Variants in TBCE observed in about 807,000 individuals in gnomAD.
TBCE encodes tubulin-specific chaperone E.
Under a neutral mutation model 77.0 loss-of-function variants are expected in TBCE, and 53 were observed. The observed-to-expected ratio is 0.69, with a 90% CI of 0.55 to 0.87. The LOEUF is 0.87. Ranked by LOEUF, TBCE falls within the 40% of genes least tolerant of loss-of-function variation. The pLI, the probability that TBCE is intolerant of heterozygous loss-of-function variation, is 0.00. For synonymous variants in TBCE, 235 were observed against 241.3 expected, an observed-to-expected ratio of 0.97 and a Z score of 0.24; for missense variants, 624 against 622.4, an observed-to-expected ratio of 1.00 and a Z score of -0.03.
chr1:235,377,585 A>G (rs1677373481), intron 1 of TBCE, among the ~76,000 whole-genome samples: 1 of 152,098 alleles, frequency 6.6e-6, no homozygotes, highest in Non-Finnish European at 1.5e-5. Context: ...TGCTTAGATT[A>G]TTCTGTAATA....
At chr1:235,448,014 G>T (rs142839029) in intron 15 of TBCE, among the ~76,000 whole-genome samples, 3,133 of 152,102 alleles carry the variant, frequency 0.021, 36 homozygotes, top group Middle Eastern at 0.031. Flanking sequence ...TTCAAGACCA[G>T]CCTGGCCAAC....
rs372236046 is a variant in TBCE, at chr1:235,435,848, G to T, written c.833+8G>T. 9.1e-5 allele frequency: 147 copies of T among 1,608,924 alleles called. No homozygotes were observed. In the African/African-American group the frequency reaches 1.7e-3, roughly 19 times the overall value. On this transcript the variant is annotated splice_region_variant and intron_variant, in intron 9 of 16. Coordinates refer to ENST00000642610, the MANE Select transcript of TBCE (RefSeq NM_003193.5). ...GATAGCCCACCTGCCCAGGTAATTT[G>T]CCCCTAAATGCCTGATACAATAGTG...
chr1:235,390,522 C>T (rs766222776), intron 2 of TBCE, among the ~76,000 whole-genome samples: 4 of 151,938 alleles, frequency 2.6e-5, no homozygotes, highest in African/African-American at 4.8e-5. Context: ...GAGGCCAAGT[C>T]GGATGGATCA....
In TBCE at chr1:235,434,574, T is replaced by C. The variant is rs1488578030; in HGVS notation, c.737+294T>C. On this transcript the variant is annotated intron_variant, in intron 8 of 16. Transcript: ENST00000642610. ...CTTTTTTTGAGACAGAGTCTCACTCTGTCGCCCAGGCTGGAGTGCAGTGGC... is the reference window on the plus strand; with the variant it reads ...CTTTTTTTGAGACAGAGTCTCACTCCGTCGCCCAGGCTGGAGTGCAGTGGC... Among the ~76,000 whole-genome samples, 4 of 151,704 alleles carry C rather than the reference T, an allele frequency of 2.6e-5. No individual in the cohort carries two copies. The East Asian group carries it at 5.8e-4, about 22-fold the overall frequency.
intron 13 of TBCE, chr1:235,441,533 G>A (rs1487098046): frequency 4.3e-6 from 2 of 465,916 alleles, no homozygotes; most frequent in South Asian, 4.6e-5. Context: ...ATGTAAACAT[G>A]TTGCTTTTCA....
At chr1:235,378,694 A>C (rs1454302151) in intron 1 of TBCE, among the ~76,000 whole-genome samples, 2 of 152,040 alleles carry the variant, frequency 1.3e-5, no homozygotes, top group Non-Finnish European at 2.9e-5. Context: ...TAAAAATTCA[A>C]AAATTAGCTG....
intron 1 of TBCE, among the ~76,000 whole-genome samples, chr1:235,374,147 G>A (rs1432337944): frequency 6.9e-6 from 1 of 143,946 alleles, no homozygotes; most frequent in Non-Finnish European, 1.5e-5. Flanking sequence ...AGTAGAGACA[G>A]GTTTCACCAT....
At chr1:235,416,269 T>C (rs1354106659) in intron 4 of TBCE, 1 of 151,962 alleles carries the variant, frequency 6.6e-6, no homozygotes, top group African/African-American at 2.4e-5. Context: ...ACATGCTTCA[T>C]AGGGTTAGAG....
intron 3 of TBCE, among the ~76,000 whole-genome samples, chr1:235,412,911 C>T (rs370974710): frequency 4.8e-4 from 73 of 152,224 alleles, no homozygotes; most frequent in South Asian, 2.1e-3. Context: ...TCAAGTGATT[C>T]TCCTGCCTCA....
intron 1 of TBCE, among the ~76,000 whole-genome samples, chr1:235,377,383 G>A (rs968627484): frequency 6.6e-6 from 1 of 152,158 alleles, no homozygotes; most frequent in East Asian, 1.9e-4. Flanking sequence ...GTTTTACCCT[G>A]TTGGCTGGGA....
intron 15 of TBCE, among the ~76,000 whole-genome samples, chr1:235,443,282 G>A (rs1024258403): frequency 6.6e-6 from 1 of 152,000 alleles, no homozygotes; most frequent in Admixed American, 6.6e-5. Flanking sequence ...GCTCACGGCA[G>A]CCTCTGCTTC....
At chr1:235,380,577 AT>A (rs1383073604) in intron 2 of TBCE, among the ~76,000 whole-genome samples, 1 of 151,714 alleles carries the variant, frequency 6.6e-6, no homozygotes, top group African/African-American at 2.4e-5. Flanking sequence ...TTTTAAACTT[AT>A]TTTTTGGTAT....
intron 15 of TBCE, 149 bp from the exon 16 acceptor site, chr1:235,448,198 AAG>A: frequency 1.4e-6 from 1 of 692,650 alleles, no homozygotes; most frequent in Non-Finnish European, 2.5e-6. Flanking sequence ...AGACTTACTT[AAG>A]TAAGTAAGTA....
chr1:235,421,625 C>T (rs780293106), intron 5 of TBCE, among the ~76,000 whole-genome samples: 4 of 152,066 alleles, frequency 2.6e-5, no homozygotes, highest in Non-Finnish European at 5.9e-5. Context: ...GGGAGAATTG[C>T]TTGAACCCGG....
intron 4 of TBCE, among the ~76,000 whole-genome samples, chr1:235,417,911 G>A (rs904748333): frequency 9.2e-5 from 14 of 152,048 alleles, no homozygotes; most frequent in Admixed American, 6.6e-4. Flanking sequence ...CTGAGTAGTC[G>A]GGATTACAGG....
chr1:235,373,471 TCTCA>T (rs1677098721), intron 1 of TBCE, among the ~76,000 whole-genome samples: 1 of 151,718 alleles, frequency 6.6e-6, no homozygotes. Flanking sequence ...TGAGACGCAG[TCTCA>T]CTCTGTGGCC....
intron 14 of TBCE, among the ~76,000 whole-genome samples, chr1:235,442,405 G>A (rs1011164142): frequency 1.3e-5 from 2 of 152,142 alleles, no homozygotes; most frequent in Non-Finnish European, 2.9e-5. Flanking sequence ...CCTGACCTCA[G>A]GAGATCCACC....
At chr1:235,400,903 A>AGGCCAGTCTC (rs1252296061) in intron 2 of TBCE, among the ~76,000 whole-genome samples, 1 of 149,410 alleles carries the variant, frequency 6.7e-6, no homozygotes, top group East Asian at 1.9e-4. Flanking sequence ...CACGTTGGTC[A>AGGCCAGTCTC]GGCCAGTCTC....
chr1:235,401,508 T>C lies in TBCE; in HGVS notation c.106T>C (p.Trp36Arg). 1 of 1,613,798 alleles carries C rather than the reference T, an allele frequency of 6.2e-7. No individual in the cohort carries two copies. Among genetic ancestry groups the C allele is most frequent in the Non-Finnish European group, 8.5e-7 (1 of 1,179,760 alleles). Residue 36 changes from tryptophan (W) to arginine (R), a missense_variant, in exon 3 of 17, where the codon TGG becomes CGG. Transcript: ENST00000642610. ...GGTTTTTCTTGTTCTGCTAGGACCCTGGTTAGGAGTAGAATGGGACAATCC... is the reference window on the plus strand; with the variant it reads ...GGTTTTTCTTGTTCTGCTAGGACCCCGGTTAGGAGTAGAATGGGACAATCC... ...AGVVPPVAGP[W>R]LGVEWDNPER...
Sources: gnomAD v4.1 joint callset for allele counts (sites outside exome capture counted in the v4.1 genomes callset) on GRCh38, gnomAD v4.1.1 for gene constraint, MANE v1.5 for transcripts, NCBI Gene and HGNC (gene_info 2026-07-23, HGNC 2026-07-21) for gene names.